The following ADGRL3 variants were observed in gnomAD, a reference collection of about 807,000 sequenced individuals.
ADGRL3 encodes adhesion G protein-coupled receptor L3, also known as calcium-independent alpha-latrotoxin receptor 3.
A neutral mutation model predicts 153.5 loss-of-function variants in ADGRL3; 62 were observed. The observed-to-expected ratio is 0.40, with a 90% CI of 0.33 to 0.50. ADGRL3 has a LOEUF of 0.50. ADGRL3 is among the 20% of genes least tolerant of loss of function. The pLI is 0.47. For synonymous variants in ADGRL3, 710 were observed against 672.5 expected, an observed-to-expected ratio of 1.06 and a Z score of -0.86; for missense variants, 1,641 against 1,859.4, an observed-to-expected ratio of 0.88 and a Z score of 2.16.
At chr4:61,625,960 A>C (rs2092806813) in intron 5 of ADGRL3, among the ~76,000 whole-genome samples, 1 of 152,050 alleles carries the variant, frequency 6.6e-6, no homozygotes, top group Non-Finnish European at 1.5e-5. Flanking sequence ...AGTGTCTGCA[A>C]GTGTGTAACT....
intron 1 of ADGRL3, among the ~76,000 whole-genome samples, chr4:61,260,407 A>G (rs1289763258): frequency 6.6e-6 from 1 of 152,204 alleles, no homozygotes; most frequent in African/African-American, 2.4e-5. Flanking sequence ...TAGAGTCTGT[A>G]TAGTGTAGTG....
intron 1 of ADGRL3, among the ~76,000 whole-genome samples, chr4:61,288,493 G>C (rs192546064): frequency 8.6e-5 from 13 of 151,974 alleles, no homozygotes; most frequent in Non-Finnish European, 1.9e-4. Context: ...AGGTCTTGAC[G>C]TAACAACACT....
intron 5 of ADGRL3, among the ~76,000 whole-genome samples, chr4:61,647,233 G>A (rs951693766): frequency 2.6e-5 from 4 of 152,074 alleles, no homozygotes; most frequent in Admixed American, 2.0e-4. Context: ...GAAATCACCC[G>A]TCTTCTGCGT....
Position 61,529,315 on chromosome 4 carries a change from T to C in ADGRL3, c.259+11797T>C, listed in dbSNP as rs901194945. Among the ~76,000 whole-genome samples the C allele has an allele frequency of 3.9e-5, 6 of 152,168 alleles. No individual in the cohort carries two copies. In the South Asian group the frequency reaches 8.3e-4, roughly 21 times the overall value. Reference sequence around the variant, plus strand: ...CATAAGTTTTAGCTAATGCCTTTTGTTTCTTTTAACCTACAGCAGACTGGA... The same window carrying C: ...CATAAGTTTTAGCTAATGCCTTTTGCTTCTTTTAACCTACAGCAGACTGGA... On this transcript the variant is annotated intron_variant, in intron 4 of 26. Transcript: ENST00000683033.
chr4:61,983,306 T>C, intron 18 of ADGRL3, 77 bp from the exon 19 acceptor site: 1 of 1,093,452 alleles, frequency 9.1e-7, no homozygotes, highest in Non-Finnish European at 1.3e-6. Flanking sequence ...TTGGTAAATA[T>C]TTAATTTGGT....
intron 1 of ADGRL3, among the ~76,000 whole-genome samples, chr4:61,246,733 G>A (rs1004101237): frequency 1.3e-5 from 2 of 151,422 alleles, no homozygotes; most frequent in African/African-American, 4.8e-5. Context: ...AATGAGGTGT[G>A]TATATATATT....
chr4:61,462,015 T>TA (rs1444627761), intron 2 of ADGRL3, among the ~76,000 whole-genome samples: 1 of 152,132 alleles, frequency 6.6e-6, no homozygotes, highest in Non-Finnish European at 1.5e-5. Flanking sequence ...AGAGGTAAAA[T>TA]AAAAATGTAA....
At position 62,074,083 on chromosome 4, in the gene ADGRL3, AT is replaced by A. The variant is rs1002509470; in HGVS notation, c.*3181del. On this transcript the variant is annotated 3_prime_UTR_variant, in exon 27 of 27. Transcript: ENST00000683033. ...AGAGCTATTGATGAATTAATTAATG[AT>A]TTTTTAATTGTTCTTTTTTCTACCA... 1 of 147,472 alleles carries A rather than the reference AT, an allele frequency of 6.8e-6. No homozygotes were observed. The highest frequency in any genetic ancestry group is 2.1e-4 in the South Asian group (1 of 4,668). The allele number at this position is 147,472 out of a possible 1,614,324, so 9.1% of individuals were successfully genotyped here.
At chr4:61,454,559 A>T (rs1232078950) in intron 2 of ADGRL3, among the ~76,000 whole-genome samples, 4 of 152,138 alleles carry the variant, frequency 2.6e-5, no homozygotes, top group Non-Finnish European at 4.4e-5. Flanking sequence ...AACATGAATA[A>T]ATCATAAATT....
At chr4:61,592,686 G>T (rs2098974407) in intron 5 of ADGRL3, among the ~76,000 whole-genome samples, 1 of 152,084 alleles carries the variant, frequency 6.6e-6, no homozygotes, top group African/African-American at 2.4e-5. Context: ...AGTACATTTT[G>T]ATAATGTCTG....
chr4:61,777,201 C>T (rs145419493), intron 8 of ADGRL3, among the ~76,000 whole-genome samples: 288 of 152,022 alleles, frequency 1.9e-3, no homozygotes, highest in African/African-American at 6.8e-3. Context: ...GGCGTGGTGG[C>T]GGGCACCTGT....
intron 8 of ADGRL3, among the ~76,000 whole-genome samples, chr4:61,785,884 G>A (rs1376741482): frequency 3.9e-5 from 6 of 152,086 alleles, no homozygotes; most frequent in Admixed American, 2.0e-4. Context: ...TTTTGGAATG[G>A]TATTTTTAAA....
At chr4:61,779,924 C>T (rs1176664258) in intron 8 of ADGRL3, among the ~76,000 whole-genome samples, 1 of 152,086 alleles carries the variant, frequency 6.6e-6, no homozygotes, top group Non-Finnish European at 1.5e-5. Flanking sequence ...CTCCCACATC[C>T]CATCAAATCA....
At chr4:61,506,801 A>C (rs530804609) in intron 3 of ADGRL3, among the ~76,000 whole-genome samples, 1 of 152,298 alleles carries the variant, frequency 6.6e-6, no homozygotes, top group Non-Finnish European at 1.5e-5. Context: ...AACATAAAAT[A>C]GCATTTTACA....
chr4:61,798,146 TACTA>T (rs1181308993), intron 8 of ADGRL3, among the ~76,000 whole-genome samples: 1 of 152,216 alleles, frequency 6.6e-6, no homozygotes, highest in Non-Finnish European at 1.5e-5. Context: ...AATTTTTTTT[TACTA>T]ACTTTTACAC....
intron 5 of ADGRL3, among the ~76,000 whole-genome samples, chr4:61,658,375 T>C (rs904128997): frequency 2.6e-5 from 4 of 152,130 alleles, no homozygotes; most frequent in Non-Finnish European, 4.4e-5. Flanking sequence ...TGTGATTCCA[T>C]ATAATCAGCT....
intron 17 of ADGRL3, among the ~76,000 whole-genome samples, chr4:61,976,885 A>G (rs2099050020): frequency 6.6e-6 from 1 of 152,112 alleles, no homozygotes; most frequent in Non-Finnish European, 1.5e-5. Flanking sequence ...GTTCTTTCCC[A>G]TTCATGTTAC....
At chr4:61,257,654 A>G (rs2092103094) in intron 1 of ADGRL3, among the ~76,000 whole-genome samples, 1 of 152,172 alleles carries the variant, frequency 6.6e-6, no homozygotes, top group South Asian at 2.1e-4. Flanking sequence ...CTCCCCCCAA[A>G]ACCCAATATG....
chr4:61,926,343 A>C (rs918916436), intron 13 of ADGRL3, among the ~76,000 whole-genome samples: 5 of 152,110 alleles, frequency 3.3e-5, no homozygotes, highest in Admixed American at 2.6e-4. Flanking sequence ...TATACCCACT[A>C]CCTTTACCTT....
Sources: gnomAD v4.1 joint callset for allele counts (sites outside exome capture counted in the v4.1 genomes callset) on GRCh38, gnomAD v4.1.1 for gene constraint, MANE v1.5 for transcripts, NCBI Gene and HGNC (gene_info 2026-07-23, HGNC 2026-07-21) for gene names.